CDH13: variants seen among roughly 807,000 people sequenced by gnomAD.
CDH13 encodes the protein cadherin-13.
Under a neutral mutation model 63.8 loss-of-function variants are expected in CDH13, and 24 were observed. That is an observed-to-expected ratio of 0.38 (90% CI 0.27 to 0.53). CDH13 has a LOEUF of 0.53. CDH13 is among the 20% of genes least tolerant of loss of function. CDH13 has a pLI of 0.85. For missense variants in CDH13, 1,049 were observed against 903.1 expected (o/e 1.16, Z -2.07); for synonymous variants, 503 against 355.3 (o/e 1.42, Z -4.67).
intron 4 of CDH13, 138 bp from the exon 5 acceptor site, chr16:83,217,207 C>T: frequency 2.7e-6 from 2 of 747,604 alleles, no homozygotes; most frequent in South Asian, 3.5e-5. Context: ...GGTGCTGTTA[C>T]TTTAGTCAAA....
intron 5 of CDH13, among the ~76,000 whole-genome samples, chr16:83,342,755 G>C (rs1008794503): frequency 4.0e-5 from 6 of 150,686 alleles, no homozygotes; most frequent in South Asian, 4.2e-4. Context: ...TGTAGCTTAT[G>C]ATACTGGCCA....
At chr16:83,096,719 G>A (rs1164388887) in intron 3 of CDH13, among the ~76,000 whole-genome samples, 1 of 152,158 alleles carries the variant, frequency 6.6e-6, no homozygotes, top group Non-Finnish European at 1.5e-5. Flanking sequence ...TAACAAGGTA[G>A]CCCATGTAAC....
At chr16:82,738,275 T>G (rs902273969) in intron 1 of CDH13, among the ~76,000 whole-genome samples, 2 of 152,188 alleles carry the variant, frequency 1.3e-5, no homozygotes, top group Non-Finnish European at 2.9e-5. Flanking sequence ...GCATGGCCAA[T>G]ATGTTATTCT....
At chr16:83,099,563 A>T (rs2034372768) in intron 3 of CDH13, among the ~76,000 whole-genome samples, 1 of 151,348 alleles carries the variant, frequency 6.6e-6, no homozygotes, top group African/African-American at 2.4e-5. Context: ...ACCTCATGTG[A>T]TCTACCTAAC....
chr16:82,952,812 C>G (rs144116014), intron 2 of CDH13, among the ~76,000 whole-genome samples: 1 of 152,328 alleles, frequency 6.6e-6, no homozygotes, highest in East Asian at 1.9e-4. Flanking sequence ...AGGAAGGAAA[C>G]CAGAAGAACT....
intron 5 of CDH13, among the ~76,000 whole-genome samples, chr16:83,316,195 A>G (rs746810717): frequency 1.3e-5 from 2 of 152,188 alleles, no homozygotes; most frequent in Non-Finnish European, 1.5e-5. Context: ...CACCCCCATG[A>G]TCTGATCACC....
chr16:83,454,585 A>G (rs538780603), intron 6 of CDH13, among the ~76,000 whole-genome samples: 2 of 152,202 alleles, frequency 1.3e-5, no homozygotes, highest in African/African-American at 4.8e-5. Context: ...TGGTCCATCA[A>G]GTAGCTGAGT....
chr16:82,676,960 T>G (rs1006140835), intron 1 of CDH13, among the ~76,000 whole-genome samples: 43 of 152,346 alleles, frequency 2.8e-4, no homozygotes, highest in Admixed American at 2.2e-3. Flanking sequence ...CTCAGCTCGC[T>G]GCAACCTCCG....
At chr16:82,999,138 C>G (rs72794136) in intron 2 of CDH13, among the ~76,000 whole-genome samples, 21,827 of 152,102 alleles carry the variant, frequency 0.14, 1,953 homozygotes, top group Non-Finnish European at 0.2. Context: ...ATGTTACATT[C>G]TTTGGACTTG....
intron 6 of CDH13, among the ~76,000 whole-genome samples, chr16:83,482,174 G>T (rs531997962): frequency 6.2e-4 from 95 of 152,314 alleles, no homozygotes; most frequent in African/African-American, 2.2e-3. Flanking sequence ...GCTCTGGTCA[G>T]TGTGGAATGA....
At chr16:83,449,832 A>T (rs372543673) in intron 6 of CDH13, among the ~76,000 whole-genome samples, 2 of 152,322 alleles carry the variant, frequency 1.3e-5, no homozygotes, top group South Asian at 4.1e-4. Flanking sequence ...TTTGAAGAGA[A>T]AATGAGCTAA....
intron 4 of CDH13, among the ~76,000 whole-genome samples, chr16:83,152,014 A>G (rs936501194): frequency 6.6e-6 from 1 of 152,216 alleles, no homozygotes; most frequent in African/African-American, 2.4e-5. Context: ...GACAAACAAA[A>G]AAAAAAAGAA....
At chr16:82,902,313 A>T (rs755424071) in intron 2 of CDH13, among the ~76,000 whole-genome samples, 1 of 152,020 alleles carries the variant, frequency 6.6e-6, no homozygotes, top group African/African-American at 2.4e-5. Flanking sequence ...GCTTCTCTGG[A>T]GATTTGCCTT....
chr16:82,862,193 A>C (rs1364233741), intron 2 of CDH13, among the ~76,000 whole-genome samples: 1 of 152,150 alleles, frequency 6.6e-6, no homozygotes, highest in Non-Finnish European at 1.5e-5. Flanking sequence ...CTGGGAGCTG[A>C]CATCTTAGTA....
At chr16:82,824,440 T>C (rs966364187) in intron 1 of CDH13, 6 of 152,196 alleles carry the variant, frequency 3.9e-5, no homozygotes, top group Admixed American at 1.3e-4. Flanking sequence ...TAGAATATAA[T>C]GAATTTGCAG....
intron 4 of CDH13, among the ~76,000 whole-genome samples, chr16:83,131,987 T>C (rs1256564798): frequency 6.6e-6 from 1 of 152,224 alleles, no homozygotes; most frequent in Non-Finnish European, 1.5e-5. Context: ...AGCTTTGCCA[T>C]GTTCCTCAGT....
chr16:83,158,672 C>T lies in CDH13; in HGVS notation c.483+33171C>T, dbSNP rs75675724. ...GCTGCAGAGCCACGTTAAACAGATC[C>T]ACGGTACACTCAGTCCCTGCCTGGT... On this transcript the variant is annotated intron_variant, in intron 4 of 13. Transcript: ENST00000567109. Among the ~76,000 whole-genome samples, 935 of 152,348 alleles carry T rather than the reference C, an allele frequency of 6.1e-3. 7 individuals are homozygous for T. The highest frequency in any genetic ancestry group is 0.011 in the Non-Finnish European group (718 of 68,034).
chr16:83,490,612 A>G (rs1012420757), intron 7 of CDH13, among the ~76,000 whole-genome samples: 5 of 152,148 alleles, frequency 3.3e-5, no homozygotes, highest in African/African-American at 1.2e-4. Context: ...ATGCTCAAAC[A>G]TGCAATTTGT....
At chr16:83,763,059 C>CA (rs1427027571) in intron 11 of CDH13, among the ~76,000 whole-genome samples, 1 of 152,196 alleles carries the variant, frequency 6.6e-6, no homozygotes, top group Non-Finnish European at 1.5e-5. Flanking sequence ...TCAAACGCGT[C>CA]ATATTCCCCA....
Sources: gnomAD v4.1 joint callset for allele counts (sites outside exome capture counted in the v4.1 genomes callset) on GRCh38, gnomAD v4.1.1 for gene constraint, MANE v1.5 for transcripts, NCBI Gene and HGNC (gene_info 2026-07-23, HGNC 2026-07-21) for gene names.